MMP15: variants seen among roughly 807,000 people sequenced by gnomAD.
MMP15 encodes the protein matrix metalloproteinase-15.
A neutral mutation model predicts 65.0 loss-of-function variants in MMP15; 36 were observed. The observed-to-expected ratio is 0.55, with a 90% CI of 0.42 to 0.73. MMP15 has a LOEUF of 0.73. Among genes scored for constraint, MMP15 ranks in the 30% least tolerant of loss-of-function variants. The probability of loss-of-function intolerance (pLI) is 0.00; values close to 1 mark genes in which losing one functional copy is unlikely to be tolerated. For missense variants in MMP15, 870 were observed against 987.8 expected, an observed-to-expected ratio of 0.88 and a Z score of 1.60; for synonymous variants, 428 against 410.2, an observed-to-expected ratio of 1.04 and a Z score of -0.52.
chr16:58,039,160 C>T (rs1453538414), intron 3 of MMP15, among the ~76,000 whole-genome samples: 1 of 152,240 alleles, frequency 6.6e-6, no homozygotes, highest in African/African-American at 2.4e-5. Flanking sequence ...CGGCCAGGCA[C>T]AGTGGCTCAC....
chr16:58,040,996 C>A (rs945329070), intron 5 of MMP15: 3 of 481,546 alleles, frequency 6.2e-6, no homozygotes, highest in Non-Finnish European at 1.1e-5. Context: ...TCTTACTAGA[C>A]CACAAGTGCC....
At chr16:58,031,889 CAG>C (rs1196939997) in intron 1 of MMP15, among the ~76,000 whole-genome samples, 1 of 88,188 alleles carries the variant, frequency 1.1e-5, no homozygotes, top group African/African-American at 5.8e-5. Flanking sequence ...TTTTTTGAGA[CAG>C]AGTCTCGCTC....
chr16:58,037,121 G>A (rs576726882), intron 1 of MMP15, among the ~76,000 whole-genome samples: 3 of 152,232 alleles, frequency 2.0e-5, no homozygotes, highest in Non-Finnish European at 2.9e-5. Context: ...AAGGCCCTGC[G>A]GCAGGAGCAT....
At chr16:58,027,818 TG>T (rs1963844108) in intron 1 of MMP15, among the ~76,000 whole-genome samples, 1 of 152,006 alleles carries the variant, frequency 6.6e-6, no homozygotes, top group Non-Finnish European at 1.5e-5. Flanking sequence ...CAGGCCCTGG[TG>T]GGAGGCAGGA....
chr16:58,039,563 T>C (rs896626314), intron 3 of MMP15, among the ~76,000 whole-genome samples: 1 of 152,228 alleles, frequency 6.6e-6, no homozygotes, highest in African/African-American at 2.4e-5. Flanking sequence ...GCTCAGCCTG[T>C]TTCCCAAACC....
chr16:58,037,511 C>A lies in MMP15; in HGVS notation c.202C>A (p.Arg68Ser), dbSNP rs148381965. 43 of 1,613,990 alleles carry A rather than the reference C, an allele frequency of 2.7e-5. No homozygotes were observed. Among genetic ancestry groups the A allele is most frequent in the Non-Finnish European group, 3.4e-5 (40 of 1,180,038 alleles). The change falls in exon 2 of 10, where the codon CGC becomes AGC. Residue 68 changes from arginine to serine, a missense_variant. Coordinates refer to ENST00000219271, the MANE Select transcript of MMP15 (RefSeq NM_002428.4). ...RLYGYLPQPSRHMSTMRSAQI... is the reference protein window; with the variant it reads ...RLYGYLPQPSSHMSTMRSAQI... ...TTATGGCTACCTGCCTCAGCCCAGCCGCCATATGTCCACCATGCGTTCCGC... is the reference window on the plus strand; with the variant it reads ...TTATGGCTACCTGCCTCAGCCCAGCAGCCATATGTCCACCATGCGTTCCGC...
rs1476316508 is a variant in MMP15, at chr16:58,043,326, C to A, written c.1420C>A (p.Pro474Thr). 1 of 1,604,656 alleles carries A rather than the reference C, an allele frequency of 6.2e-7. No individual in the cohort carries two copies. The highest frequency in any genetic ancestry group is 2.2e-5 in the East Asian group (1 of 44,528). The stretch of plus-strand genomic sequence containing the variant: ...CATTGACACGGCCATCTGGTGGGAG[C>A]CCACAGGCCACACCTTCTTCTTCCA... ...DRIDTAIWWE[P>T]TGHTFFFQED... The change falls in exon 8 of 10, where the codon CCC becomes ACC. Residue 474 changes from proline to threonine, a missense_variant. By Grantham distance (38) the Pro-to-Thr change is conservative. Coordinates refer to ENST00000219271, the MANE Select transcript of MMP15 (RefSeq NM_002428.4).
In MMP15 at chr16:58,045,673, A is replaced by T. The variant is rs1166116021; in HGVS notation, c.*227A>T. On this transcript the variant is annotated 3_prime_UTR_variant, in exon 10 of 10. Coordinates refer to ENST00000219271, the MANE Select transcript of MMP15 (RefSeq NM_002428.4). ...GGGGCAGGGTGTTTAGAATTTTCTAAATGTAGTTCTGCTCCAGACAGGGAA... is the reference window on the plus strand; with the variant it reads ...GGGGCAGGGTGTTTAGAATTTTCTATATGTAGTTCTGCTCCAGACAGGGAA... The T allele has an allele frequency of 1.8e-6, 1 of 550,260 alleles. No individual in the cohort carries two copies. The highest frequency in any genetic ancestry group is 3.2e-5 in the East Asian group (1 of 31,580). 34.1% of individuals were successfully genotyped at this position (550,260 alleles called of 1,614,324 possible).
At chr16:58,042,875 G>A (rs1959483348) in intron 7 of MMP15, among the ~76,000 whole-genome samples, 1 of 152,186 alleles carries the variant, frequency 6.6e-6, no homozygotes, top group South Asian at 2.1e-4. Flanking sequence ...GGCTGCAGGT[G>A]TGCTCCAGGG....
chr16:58,037,370 G>C, intron 1 of MMP15, 102 bp from the exon 2 acceptor site: 1 of 1,463,192 alleles, frequency 6.8e-7, no homozygotes, highest in Non-Finnish European at 9.4e-7. Context: ...GGCTCAGATA[G>C]AGCAGCGGTG....
intron 9 of MMP15, among the ~76,000 whole-genome samples, chr16:58,044,249 CAGCCTGAAT>C (rs1264131980): frequency 6.6e-6 from 1 of 152,166 alleles, no homozygotes; most frequent in African/African-American, 2.4e-5. Flanking sequence ...AGTTCGAGAC[CAGCCTGAAT>C]AACATAGTGA....
chr16:58,042,287 C>A lies in MMP15; in HGVS notation c.1221C>A (p.Pro407=). The change falls in exon 7 of 10, where the codon CCC becomes CCA. Residue 407 remains proline (P), a synonymous_variant. Coordinates refer to ENST00000219271, the MANE Select transcript of MMP15 (RefSeq NM_002428.4). ...HNRVLDNYPM[P]IGHFWRGLPG... ...GCGTCCTGGACAACTATCCCATGCC[C>A]ATCGGGCACTTCTGGCGTGGTCTGC... The A allele has an allele frequency of 4.3e-6, 7 of 1,614,226 alleles. No individual in the cohort carries two copies. In the Middle Eastern group the frequency reaches 6.6e-4, roughly 152 times the overall value.
intron 1 of MMP15, among the ~76,000 whole-genome samples, chr16:58,036,753 G>C (rs1049735593): frequency 6.6e-6 from 1 of 152,226 alleles, no homozygotes; most frequent in East Asian, 1.9e-4. Context: ...TAAGGTCTTT[G>C]GGGAGCAGTG....
intron 1 of MMP15, among the ~76,000 whole-genome samples, chr16:58,028,464 G>C (rs1423652678): frequency 6.6e-6 from 1 of 152,202 alleles, no homozygotes; most frequent in Non-Finnish European, 1.5e-5. Context: ...TTTGGGTACA[G>C]GCTGCTTCTA....
chr16:58,040,743 C>A (rs749199012), intron 5 of MMP15, 45 bp downstream of exon 5: 1 of 1,612,738 alleles, frequency 6.2e-7, no homozygotes, highest in Non-Finnish European at 8.5e-7. Flanking sequence ...GCTCTCAAGT[C>A]CCTGGCCAAT....
chr16:58,040,548 T>C lies in MMP15; in HGVS notation c.760T>C (p.Phe254Leu), dbSNP rs760305007. The change falls in exon 5 of 10, where the codon TTC becomes CTC. Residue 254 changes from phenylalanine to leucine, a missense_variant. Physicochemically the swap from Phe to Leu is conservative, Grantham distance 22 (BLOSUM62 0). Transcript: ENST00000219271. ...SSTDLHGNNL[F>L]LVAVHELGHA... Reference sequence around the variant, plus strand: ...TCTCTCCCCAAAAGGAAACAACCTCTTCCTGGTGGCAGTGCATGAGCTGGG... The same window carrying C: ...TCTCTCCCCAAAAGGAAACAACCTCCTCCTGGTGGCAGTGCATGAGCTGGG... 6.2e-7 allele frequency: 1 copy of C among 1,613,374 alleles called. No individual in the cohort carries two copies. Among genetic ancestry groups the C allele is most frequent in the Non-Finnish European group, 8.5e-7 (1 of 1,180,016 alleles).
rs910501351 is a variant in MMP15, at chr16:58,026,550, G to A, written c.162+38G>A. On this transcript the variant is annotated intron_variant, in intron 1 of 9. Coordinates refer to ENST00000219271, the MANE Select transcript of MMP15 (RefSeq NM_002428.4). ...CCCTGCCCTTTGGCTGCGGGCTGGGGGCTTGGAGGGAGAGGCGCCACGTCC... is the reference window on the plus strand; with the variant it reads ...CCCTGCCCTTTGGCTGCGGGCTGGGAGCTTGGAGGGAGAGGCGCCACGTCC... 3 of 1,290,278 alleles carry A rather than the reference G, an allele frequency of 2.3e-6. No homozygotes were observed. In the African/African-American group the frequency reaches 4.6e-5, roughly 20 times the overall value. 79.9% of individuals were successfully genotyped at this position (1,290,278 alleles called of 1,614,324 possible). A position where few individuals can be genotyped will look rare whatever the true frequency, so the allele number is the denominator to read the frequency against.
In MMP15 at chr16:58,043,231, G is replaced by A. The variant is rs142036528; in HGVS notation, c.1325G>A (p.Arg442Gln). 17 of 1,599,844 alleles carry A rather than the reference G, an allele frequency of 1.1e-5. No homozygotes were observed. The highest frequency in any genetic ancestry group is 2.7e-5 in the African/African-American group (2 of 74,654). The change falls in exon 8 of 10, where the codon CGA (arginine) becomes CAA (glutamine). Residue 442 changes from arginine to glutamine, a missense_variant. By Grantham distance (43) the Arg-to-Gln change is conservative. Transcript: ENST00000219271. ...GTAGGTGACCGCTACTGGCTCTTTC[G>A]AGAAGCGAACCTGGAGCCCGGCTAC... ...FFKGDRYWLF[R>Q]EANLEPGYPQ...
chr16:58,043,458 G>T, intron 8 of MMP15, 54 bp from the exon 9 acceptor site: 1 of 1,603,812 alleles, frequency 6.2e-7, no homozygotes. Flanking sequence ...GTGGGGAACG[G>T]GTCCTGGCCC....
Sources: gnomAD v4.1 joint callset for allele counts (sites outside exome capture counted in the v4.1 genomes callset) on GRCh38, gnomAD v4.1.1 for gene constraint, MANE v1.5 for transcripts, NCBI Gene and HGNC (gene_info 2026-07-23, HGNC 2026-07-21) for gene names.